The following GALNT15 variants were observed in gnomAD, a reference collection of about 807,000 sequenced individuals.
GALNT15 encodes the protein polypeptide N-acetylgalactosaminyltransferase 15.
GALNT15 carries 67 observed loss-of-function variants against 66.8 expected under a neutral mutation model. That is an observed-to-expected ratio of 1.00 (90% confidence interval 0.82 to 1.23). The LOEUF (loss-of-function observed/expected upper bound fraction) is 1.23, where lower values mean the gene tolerates loss of function less well. GALNT15 is among the 50% of genes most tolerant of loss of function. The pLI, the probability that GALNT15 is intolerant of heterozygous loss-of-function variation, is 0.00. For missense variants in GALNT15, 827 were observed against 804.3 expected (o/e 1.03, Z -0.34); for synonymous variants, 313 against 311.5 (o/e 1.00, Z -0.05).
intron 3 of GALNT15, among the ~76,000 whole-genome samples, chr3:16,206,926 C>A (rs769795933): frequency 1.1e-4 from 17 of 152,142 alleles, no homozygotes; most frequent in African/African-American, 4.1e-4. Context: ...TAAGTGGAGG[C>A]TCTGGAAGGG....
Position 16,195,132 on chromosome 3 carries a change from A to T in GALNT15, c.540-628A>T, listed in dbSNP as rs2063618627. Among the ~76,000 whole-genome samples, 1 of 152,208 alleles carries T rather than the reference A, an allele frequency of 6.6e-6. No individual in the cohort carries two copies. Among genetic ancestry groups the T allele is most frequent in the African/African-American group, 2.4e-5 (1 of 41,458 alleles). On this transcript the variant is annotated intron_variant, in intron 1 of 9. Coordinates refer to ENST00000339732, the MANE Select transcript of GALNT15 (RefSeq NM_054110.5). This position sits in a 1 kb window ranked among gnomAD's most constrained non-coding sequence, Gnocchi z 4.6. ...TACTGGACACTTAACTACACGCATC[A>T]TCCTATCCAAGCCTCACCACAGCCT...
In GALNT15 at chr3:16,223,539, A is replaced by G. The variant is rs115432136; in HGVS notation, c.1773+781A>G. Among the ~76,000 whole-genome samples the G allele has an allele frequency of 8.2e-3, 1,253 of 152,290 alleles. 22 individuals are homozygous for G. Among genetic ancestry groups the G allele is most frequent in the African/African-American group, 0.029 (1,196 of 41,562 alleles). ...AAAATGACTAAGCAGAATCCTGTGC[A>G]TTGGTACTCTTAAAGCAGGCTGTGA... On this transcript the variant is annotated intron_variant, in intron 9 of 9. Coordinates refer to ENST00000339732, the MANE Select transcript of GALNT15 (RefSeq NM_054110.5).
intron 3 of GALNT15, among the ~76,000 whole-genome samples, chr3:16,206,776 CT>C (rs1248630514): frequency 6.6e-6 from 1 of 151,698 alleles, no homozygotes; most frequent in Non-Finnish European, 1.5e-5. Flanking sequence ...TTCTTGTCCT[CT>C]TATGATTGCT....
chr3:16,221,020 A>G (rs2063936743), intron 8 of GALNT15, among the ~76,000 whole-genome samples: 1 of 152,204 alleles, frequency 6.6e-6, no homozygotes. Context: ...TAGGGTGAAA[A>G]TTGTTCAAGC....
Position 16,228,022 on chromosome 3 carries a change from G to A in GALNT15, c.*522G>A. ...TCATTTGTTGAGCCATATCTCAGAA[G>A]AAGGAAAGGGAGCTACAGAAAGGAG... On this transcript the variant is annotated 3_prime_UTR_variant, in exon 10 of 10. Transcript: ENST00000339732. 3 of 987,432 alleles carry A rather than the reference G, an allele frequency of 3.0e-6. No individual in the cohort carries two copies. The highest frequency in any genetic ancestry group is 3.6e-6 in the Non-Finnish European group (3 of 831,208). The allele number at this position is 987,432 out of a possible 1,614,324, so 61.2% of individuals were successfully genotyped here.
At chr3:16,235,114 A>G (rs374927732), downstream of GALNT15, among the ~76,000 whole-genome samples, 1 of 152,094 alleles carries the variant, frequency 6.6e-6, no homozygotes, top group African/African-American at 2.4e-5. Flanking sequence ...TAGTAAAGAC[A>G]GGGTTTCAAC....
In GALNT15 at chr3:16,230,023, A is replaced by T. The variant is rs953975278; in HGVS notation, c.*2523A>T. 6.8e-4 allele frequency among the ~76,000 whole-genome samples: 104 copies of T among 152,198 alleles called. 2 individuals are homozygous for T. The highest frequency in any genetic ancestry group is 8.8e-5 in the Non-Finnish European group (6 of 68,038). On this transcript the variant is annotated 3_prime_UTR_variant, in exon 10 of 10. Transcript: ENST00000339732. The surrounding 1 kb of genome is among the most constrained non-coding windows in gnomAD (Gnocchi z 4.5). ...TCTCTATGAACTCAGCATTCATTTT[A>T]TCCATAATGATCAATTTAAAAGTAG...
chr3:16,205,341 A>G (rs1307503406), intron 3 of GALNT15, among the ~76,000 whole-genome samples: 1 of 152,244 alleles, frequency 6.6e-6, no homozygotes, highest in Non-Finnish European at 1.5e-5. Context: ...TATTGTGGTA[A>G]AAGGTTATGG....
chr3:16,233,366 A>T (rs1315893268), downstream of GALNT15, among the ~76,000 whole-genome samples: 1 of 151,994 alleles, frequency 6.6e-6, no homozygotes. Context: ...AAGTGTTAGG[A>T]TTACAGGCGT....
chr3:16,226,102 C>T (rs2124907565), intron 9 of GALNT15, among the ~76,000 whole-genome samples: 1 of 151,314 alleles, frequency 6.6e-6, no homozygotes, highest in East Asian at 1.9e-4. Flanking sequence ...CAAAAGGCCA[C>T]ATTTATATAG....
At chr3:16,238,445 A>G in the GALNT15 span, among the ~76,000 whole-genome samples, 1 of 151,922 alleles carries the variant, frequency 6.6e-6, no homozygotes, top group Non-Finnish European at 1.5e-5. This position sits in a 1 kb window ranked among gnomAD's most constrained non-coding sequence, Gnocchi z 4.8. Flanking sequence ...TGTTGTTACA[A>G]TATTAACAAC....
At position 16,228,723 on chromosome 3, in the gene GALNT15, A is replaced by G. The variant is rs1352713725; in HGVS notation, c.*1223A>G. 3.0e-6 allele frequency: 3 copies of G among 985,286 alleles called. No homozygotes were observed. The highest frequency in any genetic ancestry group is 5.2e-4 in the Middle Eastern group (1 of 1,938). The allele number at this position is 985,286 out of a possible 1,614,324, so 61.0% of individuals were successfully genotyped here. A position where few individuals can be genotyped will look rare whatever the true frequency, so the allele number is the denominator to read the frequency against. ...CTGGAGCAGAAACAGCAACCTTTCTAAAAAAGCAAACCTTTTTCCTGGGAG... is the reference window on the plus strand; with the variant it reads ...CTGGAGCAGAAACAGCAACCTTTCTGAAAAAGCAAACCTTTTTCCTGGGAG... On this transcript the variant is annotated 3_prime_UTR_variant, in exon 10 of 10. Coordinates refer to ENST00000339732, the MANE Select transcript of GALNT15 (RefSeq NM_054110.5).
At chr3:16,206,546 A>G (rs1342522194) in intron 3 of GALNT15, among the ~76,000 whole-genome samples, 1 of 148,922 alleles carries the variant, frequency 6.7e-6, no homozygotes, top group Non-Finnish European at 1.5e-5. Context: ...TGTGGCGGGC[A>G]CCTGTAGTCC....
chr3:16,217,420 C>T (rs570532057), intron 6 of GALNT15, among the ~76,000 whole-genome samples: 2 of 152,302 alleles, frequency 1.3e-5, no homozygotes, highest in Non-Finnish European at 2.9e-5. Flanking sequence ...TTGGAAATGT[C>T]CTATCACTTA....
rs2063718790 is a variant in GALNT15 at position 16,203,011 on chromosome 3, T to C, written c.911+2188T>C. On this transcript the variant is annotated intron_variant, in intron 3 of 9. Transcript: ENST00000339732. This position sits in a 1 kb window ranked among gnomAD's most constrained non-coding sequence, Gnocchi z 6.2. ...GTGTAACCCTCGCAGACTTCTTTCA[T>C]ATGCCTTCTTTAATGACCCCCATGA... Among the ~76,000 whole-genome samples, 1 of 152,232 alleles carries C rather than the reference T, an allele frequency of 6.6e-6. No individual in the cohort carries two copies. Among genetic ancestry groups the C allele is most frequent in the African/African-American group, 2.4e-5 (1 of 41,468 alleles).
At position 16,227,311 on chromosome 3, in the gene GALNT15, G is replaced by T. The variant is rs778805481; in HGVS notation, c.1774-43G>T. 3 of 1,590,268 alleles carry T rather than the reference G, an allele frequency of 1.9e-6. No individual in the cohort carries two copies. The highest frequency in any genetic ancestry group is 2.6e-6 in the Non-Finnish European group (3 of 1,170,262). On this transcript the variant is annotated intron_variant, in intron 9 of 9. Transcript: ENST00000339732. This position sits in a 1 kb window ranked among gnomAD's most constrained non-coding sequence, Gnocchi z 4.5. ...AAATATTTTCTTTTGCTGACTGATT[G>T]TGGGGGACTGGTTTTCTTTTCTTTT...
In GALNT15 at chr3:16,191,741, G is replaced by A. The variant is rs1276943327; in HGVS notation, c.540-4019G>A. Reference sequence around the variant, plus strand: ...TAAATACAAATTTCTTTCATTGAAGGAGGCCCTGCTCCATGCCAGGCACTG... The same window carrying A: ...TAAATACAAATTTCTTTCATTGAAGAAGGCCCTGCTCCATGCCAGGCACTG... On this transcript the variant is annotated intron_variant, in intron 1 of 9. Coordinates refer to ENST00000339732, the MANE Select transcript of GALNT15 (RefSeq NM_054110.5). The surrounding 1 kb of genome is among the most constrained non-coding windows in gnomAD (Gnocchi z 5.2). 6.6e-6 allele frequency among the ~76,000 whole-genome samples: 1 copy of A among 152,196 alleles called. No homozygotes were observed. Among genetic ancestry groups the A allele is most frequent in the Non-Finnish European group, 1.5e-5 (1 of 68,036 alleles).
At chr3:16,238,895 A>G in the GALNT15 span, among the ~76,000 whole-genome samples, 2 of 152,184 alleles carry the variant, frequency 1.3e-5, no homozygotes, top group Non-Finnish European at 2.9e-5. The surrounding 1 kb of genome is among the most constrained non-coding windows in gnomAD (Gnocchi z 4.8). Context: ...GAAATAAAGA[A>G]CTTTAGTCAT....
Position 16,220,108 on chromosome 3 carries a change from T to C in GALNT15, c.1629+94T>C, listed in dbSNP as rs1665776546. ...GGATGCCCCATACTTCCCTTTGAGG[T>C]ATCTTCTTTCTGTGGTCCCATGTCC... On this transcript the variant is annotated intron_variant, in intron 8 of 9. Transcript: ENST00000339732. 6.3e-6 allele frequency: 6 copies of C among 958,924 alleles called. No homozygotes were observed. In the Admixed American group the frequency reaches 6.9e-5, roughly 11 times the overall value. 59.4% of individuals were successfully genotyped at this position (958,924 alleles called of 1,614,324 possible).
Sources: gnomAD v4.1 joint callset for allele counts (sites outside exome capture counted in the v4.1 genomes callset) on GRCh38, gnomAD v4.1.1 for gene constraint, Gnocchi (gnomAD v3.1) non-coding constraint, MANE v1.5 for transcripts, NCBI Gene and HGNC (gene_info 2026-07-23, HGNC 2026-07-21) for gene names.